PATJ: variants seen among roughly 807,000 people sequenced by gnomAD.
PATJ encodes the protein inaD-like protein.
PATJ carries 190 observed loss-of-function variants against 224.9 expected under a neutral mutation model. The ratio of observed to expected loss-of-function variants is 0.84; its 90% confidence interval spans 0.75 to 0.95. PATJ has a LOEUF of 0.95. PATJ is among the 40% of genes least tolerant of loss of function. The probability of loss-of-function intolerance (pLI) is 0.00; values close to 1 mark genes in which losing one functional copy is unlikely to be tolerated. For missense variants in PATJ, 2,121 were observed against 2,270.3 expected (o/e 0.93, Z 1.34); for synonymous variants, 769 against 820.3 (o/e 0.94, Z 1.07).
intron 29 of PATJ, among the ~76,000 whole-genome samples, chr1:62,028,199 C>G: frequency 6.6e-6 from 1 of 151,836 alleles, no homozygotes; most frequent in Non-Finnish European, 1.5e-5. Context: ...TTCTTTTTTT[C>G]CCCTCTCTTA....
chr1:61,828,478 CT>C (rs1658715905), intron 16 of PATJ, among the ~76,000 whole-genome samples: 1 of 151,396 alleles, frequency 6.6e-6, no homozygotes. Context: ...TAGCCTCGAC[CT>C]TCTGGGCTCA....
At position 62,161,101 on chromosome 1, in the gene PATJ, C is replaced by T. The variant is rs1669799328; in HGVS notation, c.*47C>T. 2 of 1,362,196 alleles carry T rather than the reference C, an allele frequency of 1.5e-6. No homozygotes were observed. The highest frequency in any genetic ancestry group is 4.0e-5 in the South Asian group (2 of 50,486). 84.4% of individuals were successfully genotyped at this position (1,362,196 alleles called of 1,614,324 possible). On this transcript the variant is annotated 3_prime_UTR_variant, in exon 44 of 44. Coordinates refer to ENST00000642238, the MANE Select transcript of PATJ (RefSeq NM_001350145.3). The stretch of plus-strand genomic sequence containing the variant: ...TAGATGTTGTTGTTTAGAATATCCA[C>T]AGGCAGATGAAGTTCTGAGTGGGTA...
At chr1:61,937,337 A>G (rs1335191457) in intron 27 of PATJ, among the ~76,000 whole-genome samples, 1 of 152,142 alleles carries the variant, frequency 6.6e-6, no homozygotes. Context: ...AGCTCAAGCA[A>G]TCTTCCCGCC....
intron 26 of PATJ, 112 bp downstream of exon 26, chr1:61,914,776 G>C: frequency 7.3e-6 from 4 of 551,278 alleles, no homozygotes; most frequent in Non-Finnish European, 1.3e-5. Flanking sequence ...AGTGTTGTAG[G>C]AGCACTATAT....
chr1:61,903,475 A>G (rs1327107085), intron 24 of PATJ, among the ~76,000 whole-genome samples: 3 of 152,222 alleles, frequency 2.0e-5, no homozygotes, highest in Non-Finnish European at 4.4e-5. Flanking sequence ...TTTGACATCC[A>G]TATAATAATA....
At chr1:61,836,275 T>C (rs1021295734) in intron 17 of PATJ, among the ~76,000 whole-genome samples, 2 of 152,232 alleles carry the variant, frequency 1.3e-5, no homozygotes, top group Non-Finnish European at 2.9e-5. Context: ...TATAGAATTA[T>C]AGGATTTTCC....
At chr1:62,016,918 T>C (rs1327719120) in intron 28 of PATJ, among the ~76,000 whole-genome samples, 5 of 152,232 alleles carry the variant, frequency 3.3e-5, no homozygotes, top group African/African-American at 1.2e-4. Context: ...TTCAACATTT[T>C]TAAGGAATCT....
chr1:61,795,663 G>GT (rs549360805), intron 10 of PATJ, 105 bp downstream of exon 10: 6 of 575,782 alleles, frequency 1.0e-5, no homozygotes, highest in African/African-American at 7.7e-5. Flanking sequence ...GTTTTATAAG[G>GT]TTTTTTAAAA....
intron 16 of PATJ, among the ~76,000 whole-genome samples, chr1:61,829,861 TG>T (rs959795862): frequency 2.4e-4 from 37 of 152,360 alleles, no homozygotes; most frequent in Non-Finnish European, 4.4e-4. Flanking sequence ...TCAATCATGT[TG>T]TATTAGCCAT....
chr1:61,800,941 C>T (rs1465559533), intron 11 of PATJ, among the ~76,000 whole-genome samples: 5 of 152,122 alleles, frequency 3.3e-5, no homozygotes, highest in South Asian at 2.1e-4. Context: ...AGTGTTCCAT[C>T]GTGTATATGT....
intron 29 of PATJ, among the ~76,000 whole-genome samples, chr1:62,035,258 T>C (rs1650155391): frequency 6.6e-6 from 1 of 152,240 alleles, no homozygotes; most frequent in African/African-American, 2.4e-5. Flanking sequence ...AAAAAACAGA[T>C]GCGCTTGATA....
At chr1:62,036,609 A>G (rs1558074543) in intron 29 of PATJ, among the ~76,000 whole-genome samples, 2 of 152,212 alleles carry the variant, frequency 1.3e-5, no homozygotes. Flanking sequence ...ACATCCATAT[A>G]TACAATAGTC....
intron 17 of PATJ, 118 bp from the exon 18 acceptor site, chr1:61,855,912 G>A: frequency 1.4e-6 from 1 of 708,210 alleles, no homozygotes; most frequent in South Asian, 1.8e-5. Flanking sequence ...TATCACCAGA[G>A]TGCCAGACAC....
chr1:62,143,516 T>G (rs766595890), intron 41 of PATJ, among the ~76,000 whole-genome samples: 2 of 143,902 alleles, frequency 1.4e-5, no homozygotes, highest in Non-Finnish European at 3.0e-5. Context: ...CATGGCTTGA[T>G]CTCGGCTCAC....
At chr1:62,043,799 C>G (rs1476372820) in intron 30 of PATJ, among the ~76,000 whole-genome samples, 1 of 152,082 alleles carries the variant, frequency 6.6e-6, no homozygotes, top group Non-Finnish European at 1.5e-5. Flanking sequence ...ATGATCTCAG[C>G]TCACTGCATC....
At chr1:62,050,517 T>C (rs575808029) in intron 30 of PATJ, among the ~76,000 whole-genome samples, 1 of 152,338 alleles carries the variant, frequency 6.6e-6, no homozygotes, top group East Asian at 1.9e-4. Flanking sequence ...CATGGAAACT[T>C]GGGCTCATGC....
intron 14 of PATJ, among the ~76,000 whole-genome samples, chr1:61,811,248 G>C (rs996601970): frequency 1.7e-4 from 26 of 152,230 alleles, no homozygotes; most frequent in African/African-American, 4.6e-4. Flanking sequence ...TGTTTTTTGA[G>C]ACGGAGTTTC....
chr1:61,821,321 G>A (rs1052929457), intron 14 of PATJ, among the ~76,000 whole-genome samples: 2 of 152,204 alleles, frequency 1.3e-5, no homozygotes, highest in Non-Finnish European at 2.9e-5. Context: ...TGGGATTACA[G>A]GCGTGAGCTA....
chr1:62,147,647 A>G (rs950155396), intron 41 of PATJ, among the ~76,000 whole-genome samples: 2 of 152,064 alleles, frequency 1.3e-5, no homozygotes, highest in African/African-American at 4.8e-5. Flanking sequence ...GAAAATATAA[A>G]AATTAGCTGG....
Sources: allele counts gnomAD v4.1 joint callset (sites outside exome capture counted in the v4.1 genomes callset), GRCh38; gene constraint gnomAD v4.1.1; transcripts MANE v1.5; gene names NCBI Gene and HGNC (gene_info 2026-07-23, HGNC 2026-07-21).